Variants in TECPR2 observed in about 807,000 individuals in gnomAD.
TECPR2 encodes tectonin beta-propeller repeat-containing protein 2.
Under a neutral mutation model 138.1 loss-of-function variants are expected in TECPR2, and 65 were observed. The ratio of observed to expected loss-of-function variants is 0.47; its 90% CI spans 0.39 to 0.58. TECPR2 has a LOEUF of 0.58. Ranked by LOEUF, TECPR2 falls within the 20% of genes least tolerant of loss-of-function variation. TECPR2 has a pLI of 0.00. For missense variants in TECPR2, 1,553 were observed against 1,824.5 expected, an observed-to-expected ratio of 0.85 and a Z score of 2.71; for synonymous variants, 746 against 749.8, an observed-to-expected ratio of 0.99 and a Z score of 0.08.
intron 17 of TECPR2, among the ~76,000 whole-genome samples, chr14:102,483,259 G>T (rs1890935108): frequency 6.6e-6 from 1 of 152,126 alleles, no homozygotes; most frequent in Non-Finnish European, 1.5e-5. Context: ...ATAGTGGTAT[G>T]CCTTGGTGAG....
At chr14:102,374,185 G>GA (rs1887585653) in intron 1 of TECPR2, among the ~76,000 whole-genome samples, 2 of 151,714 alleles carry the variant, frequency 1.3e-5, no homozygotes, top group South Asian at 2.1e-4. Context: ...TCATATTGAA[G>GA]AAAAAATGAT....
chr14:102,478,996 G>C (rs1418898434), intron 17 of TECPR2, among the ~76,000 whole-genome samples: 6 of 128,450 alleles, frequency 4.7e-5, no homozygotes. Context: ...CAGCCTGGGC[G>C]AAAGAGTAAG....
chr14:102,498,615 C>T lies in TECPR2; in HGVS notation c.*358C>T, dbSNP rs546687197. ...GAGGCCTCCCAGAACCAAGGGTAGC[C>T]GGGCAGCTGGTTTGGCCCAGGGCCT... On this transcript the variant is annotated 3_prime_UTR_variant, in exon 20 of 20. Coordinates refer to ENST00000359520, the MANE Select transcript of TECPR2 (RefSeq NM_014844.5). 2.3e-4 allele frequency: 93 copies of T among 412,806 alleles called. No homozygotes were observed. Among genetic ancestry groups the T allele is most frequent in the Middle Eastern group, 7.5e-4 (1 of 1,332 alleles). 25.6% of individuals were successfully genotyped at this position (412,806 alleles called of 1,614,324 possible). A position where few individuals can be genotyped will look rare whatever the true frequency, so the allele number is the denominator to read the frequency against.
At chr14:102,403,694 A>G (rs989937078) in intron 2 of TECPR2, among the ~76,000 whole-genome samples, 2 of 152,238 alleles carry the variant, frequency 1.3e-5, no homozygotes, top group African/African-American at 2.4e-5. Flanking sequence ...TACAAAGTCA[A>G]TGCACAAAAA....
intron 17 of TECPR2, among the ~76,000 whole-genome samples, chr14:102,489,433 A>T (rs1199448681): frequency 6.6e-6 from 1 of 151,450 alleles, no homozygotes; most frequent in Non-Finnish European, 1.5e-5. Flanking sequence ...CCTGGCCAAA[A>T]TGGTGAAACC....
intron 6 of TECPR2, among the ~76,000 whole-genome samples, chr14:102,426,652 AG>A (rs1848021229): frequency 6.6e-6 from 1 of 152,188 alleles, no homozygotes; most frequent in African/African-American, 2.4e-5. Context: ...TGAGGTCAGG[AG>A]TTCAAGGCCA....
chr14:102,455,872 C>T (rs149289501), intron 16 of TECPR2, among the ~76,000 whole-genome samples: 250 of 152,352 alleles, frequency 1.6e-3, no homozygotes, highest in Middle Eastern at 6.8e-3. Context: ...CTCCGCCTCC[C>T]AAAGTGCTGG....
At chr14:102,441,414 T>A (rs551716948) in intron 11 of TECPR2, among the ~76,000 whole-genome samples, 1 of 147,514 alleles carries the variant, frequency 6.8e-6, no homozygotes, top group Non-Finnish European at 1.5e-5. Context: ...TGGTGGCTCA[T>A]GCCTGTAATC....
At chr14:102,389,178 T>G (rs966018532) in intron 2 of TECPR2, among the ~76,000 whole-genome samples, 2 of 150,286 alleles carry the variant, frequency 1.3e-5, no homozygotes, top group Non-Finnish European at 3.0e-5. Flanking sequence ...ATACAAAAAT[T>G]AGCCAGGTGT....
chr14:102,433,250 A>C (rs1313474138), intron 8 of TECPR2, among the ~76,000 whole-genome samples: 1 of 151,542 alleles, frequency 6.6e-6, no homozygotes. Flanking sequence ...ATGGGTATAC[A>C]GCACCCAGGT....
At chr14:102,427,447 GA>G (rs1441399049) in intron 6 of TECPR2, among the ~76,000 whole-genome samples, 2 of 152,146 alleles carry the variant, frequency 1.3e-5, no homozygotes, top group African/African-American at 4.8e-5. Flanking sequence ...GCAGCTTTCG[GA>G]AACAAATGTT....
chr14:102,451,636 G>C (rs1295657121), intron 15 of TECPR2, among the ~76,000 whole-genome samples: 1 of 152,032 alleles, frequency 6.6e-6, no homozygotes, highest in Non-Finnish European at 1.5e-5. Context: ...TGGTTGTTTT[G>C]TAAACCTCTG....
intron 3 of TECPR2, 22 bp downstream of exon 3, chr14:102,407,488 A>G: frequency 6.3e-7 from 1 of 1,587,778 alleles, no homozygotes; most frequent in Admixed American, 1.9e-5. Context: ...TGATCTTAAC[A>G]CGTGTTAACT....
chr14:102,432,939 G>C (rs1312953062), intron 8 of TECPR2, among the ~76,000 whole-genome samples: 1 of 151,166 alleles, frequency 6.6e-6, no homozygotes, highest in East Asian at 2.0e-4. Context: ...GGGAGGCAGA[G>C]GATGCAGTGA....
chr14:102,435,465 C>T (rs769513194), intron 9 of TECPR2, among the ~76,000 whole-genome samples: 3 of 152,178 alleles, frequency 2.0e-5, no homozygotes, highest in Non-Finnish European at 2.9e-5. Flanking sequence ...CTTGCTGTTT[C>T]CTCTGACCCC....
rs1009804822 is a variant in TECPR2, at chr14:102,362,965, C to G, written c.-224C>G. ...CACTTGTGGCTCTGCCGCTCTAGCC[C>G]CCGGCGGAGCCAGCTGCTGCTCTTC... is the stretch of plus-strand genomic sequence containing the variant. On this transcript the variant is annotated 5_prime_UTR_variant, in exon 1 of 20. Transcript: ENST00000359520. 3.7e-5 allele frequency: 51 copies of G among 1,386,812 alleles called. No individual in the cohort carries two copies. Among genetic ancestry groups the G allele is most frequent in the Non-Finnish European group, 5.1e-5 (51 of 998,530 alleles). The allele number at this position is 1,386,812 out of a possible 1,614,324, so 85.9% of individuals were successfully genotyped here. A position where few individuals can be genotyped will look rare whatever the true frequency, so the allele number is the denominator to read the frequency against.
intron 17 of TECPR2, among the ~76,000 whole-genome samples, chr14:102,495,656 C>A (rs1891260174): frequency 6.6e-6 from 1 of 152,242 alleles, no homozygotes; most frequent in African/African-American, 2.4e-5. Flanking sequence ...CTGGCTCAGG[C>A]AGTGGTGACT....
intron 7 of TECPR2, among the ~76,000 whole-genome samples, chr14:102,430,681 G>C (rs1889447399): frequency 2.6e-5 from 4 of 152,180 alleles, no homozygotes; most frequent in Admixed American, 2.6e-4. Flanking sequence ...GAAAAGATGA[G>C]TCCACTGCAG....
intron 2 of TECPR2, among the ~76,000 whole-genome samples, chr14:102,407,007 C>A (rs1888676143): frequency 6.6e-6 from 1 of 152,152 alleles, no homozygotes. Flanking sequence ...TTACAGGCAT[C>A]TGCCACCACG....
Sources: allele counts gnomAD v4.1 joint callset (sites outside exome capture counted in the v4.1 genomes callset), GRCh38; gene constraint gnomAD v4.1.1; transcripts MANE v1.5; gene names NCBI Gene and HGNC (gene_info 2026-07-23, HGNC 2026-07-21).